The following CNTNAP4 variants were observed in gnomAD, a reference collection of about 807,000 sequenced individuals.
CNTNAP4 encodes contactin associated protein family member 4.
In CNTNAP4, 98 loss-of-function variants were observed where a neutral mutation model predicts 148.4. That is an observed-to-expected ratio of 0.66 (90% confidence interval 0.56 to 0.78). The LOEUF is 0.78. Among genes scored for constraint, CNTNAP4 ranks in the 30% least tolerant of loss-of-function variants. CNTNAP4 has a pLI of 0.00. For missense variants in CNTNAP4, 1,935 were observed against 1,565.6 expected (o/e 1.24, Z -3.98); for synonymous variants, 730 against 565.1 (o/e 1.29, Z -4.14).
chr16:76,465,929 G>A (rs977657599), intron 9 of CNTNAP4, among the ~76,000 whole-genome samples: 1 of 152,122 alleles, frequency 6.6e-6, no homozygotes, highest in Non-Finnish European at 1.5e-5. Flanking sequence ...GCAAAACAAA[G>A]CATTAAGGAA....
chr16:76,502,884 A>G (rs2082707722), intron 15 of CNTNAP4, among the ~76,000 whole-genome samples: 1 of 152,126 alleles, frequency 6.6e-6, no homozygotes, highest in Non-Finnish European at 1.5e-5. Context: ...TGAAAAATGT[A>G]GATCAGCCAT....
intron 1 of CNTNAP4, among the ~76,000 whole-genome samples, chr16:76,306,234 A>G (rs1207139741): frequency 6.6e-6 from 1 of 152,134 alleles, no homozygotes; most frequent in Non-Finnish European, 1.5e-5. Context: ...AAATATCTAA[A>G]CTGCTTTCTA....
intron 7 of CNTNAP4, among the ~76,000 whole-genome samples, chr16:76,451,363 A>G (rs2080465068): frequency 1.3e-5 from 2 of 152,182 alleles, no homozygotes; most frequent in South Asian, 2.1e-4. Flanking sequence ...ATACAGGCAC[A>G]TATTGATTTG....
intron 2 of CNTNAP4, among the ~76,000 whole-genome samples, chr16:76,352,308 C>T (rs2011912258): frequency 6.6e-6 from 1 of 152,122 alleles, no homozygotes; most frequent in African/African-American, 2.4e-5. Context: ...AAAAACTCAT[C>T]CACACGCCAT....
At chr16:76,492,854 G>T (rs2082271703) in intron 13 of CNTNAP4, among the ~76,000 whole-genome samples, 1 of 151,814 alleles carries the variant, frequency 6.6e-6, no homozygotes, top group Admixed American at 6.6e-5. Flanking sequence ...CCAGTCTCAG[G>T]TATGTCTTTG....
chr16:76,464,294 A>G (rs1270238674), intron 9 of CNTNAP4, among the ~76,000 whole-genome samples: 1 of 152,200 alleles, frequency 6.6e-6, no homozygotes. Context: ...ACCATGGGCA[A>G]GAGCATGACT....
At chr16:76,351,999 C>T (rs1244495897) in intron 2 of CNTNAP4, among the ~76,000 whole-genome samples, 1 of 152,120 alleles carries the variant, frequency 6.6e-6, no homozygotes, top group Non-Finnish European at 1.5e-5. Flanking sequence ...TTACAATTAA[C>T]TAGAAAGGGC....
intron 2 of CNTNAP4, among the ~76,000 whole-genome samples, chr16:76,345,988 C>A (rs1383154546): frequency 2.0e-5 from 3 of 152,084 alleles, no homozygotes; most frequent in African/African-American, 7.2e-5. Flanking sequence ...GGGAACAAGC[C>A]CTTACCAGGA....
At chr16:76,381,789 G>A (rs912832722) in intron 3 of CNTNAP4, among the ~76,000 whole-genome samples, 4 of 152,088 alleles carry the variant, frequency 2.6e-5, no homozygotes, top group African/African-American at 7.2e-5. Context: ...TGCCGGGTGC[G>A]GTGGCTCACG....
At chr16:76,511,436 C>T (rs1247073606) in intron 15 of CNTNAP4, among the ~76,000 whole-genome samples, 1 of 152,058 alleles carries the variant, frequency 6.6e-6, no homozygotes, top group Non-Finnish European at 1.5e-5. Flanking sequence ...TGAGACTCTT[C>T]AACTGGAAAA....
rs548262971 is a variant in CNTNAP4 at position 76,447,038 on chromosome 16, T to G, written c.539-974T>G. Among the ~76,000 whole-genome samples the G allele has an allele frequency of 6.6e-5, 10 of 152,318 alleles. No individual in the cohort carries two copies. In the East Asian group the frequency reaches 1.9e-3, roughly 29 times the overall value. On this transcript the variant is annotated intron_variant, in intron 4 of 23. Transcript: ENST00000611870. ...AATATGAGAAAAAGGCCAGGCACAG[T>G]GGCTCACGCCTTTAATCGCAGCACT...
intron 15 of CNTNAP4, among the ~76,000 whole-genome samples, chr16:76,519,562 G>A (rs973106334): frequency 6.6e-6 from 1 of 152,046 alleles, no homozygotes; most frequent in African/African-American, 2.4e-5. Context: ...AAACAAAAAG[G>A]CATCTAATTC....
intron 3 of CNTNAP4, among the ~76,000 whole-genome samples, chr16:76,424,209 GC>G (rs2079295933): frequency 6.6e-6 from 1 of 152,112 alleles, no homozygotes; most frequent in Non-Finnish European, 1.5e-5. Context: ...GGCTGTCTCT[GC>G]CACTGTGCAT....
intron 1 of CNTNAP4, among the ~76,000 whole-genome samples, chr16:76,302,697 C>G (rs763967138): frequency 6.6e-6 from 1 of 152,128 alleles, no homozygotes; most frequent in Non-Finnish European, 1.5e-5. Context: ...AACATAAGCA[C>G]AGGACTGATA....
intron 21 of CNTNAP4, among the ~76,000 whole-genome samples, chr16:76,545,297 G>A (rs1818635017): frequency 6.6e-6 from 1 of 152,126 alleles, no homozygotes; most frequent in Non-Finnish European, 1.5e-5. Context: ...ACTGTATTGA[G>A]CTGGCCATAC....
intron 3 of CNTNAP4, among the ~76,000 whole-genome samples, chr16:76,379,738 A>G (rs2015777548): frequency 6.6e-6 from 1 of 152,204 alleles, no homozygotes; most frequent in African/African-American, 2.4e-5. Context: ...TGTACACATC[A>G]GTTTCAATCA....
chr16:76,449,965 C>G (rs567453119), intron 7 of CNTNAP4, 107 bp downstream of exon 7: 5 of 909,022 alleles, frequency 5.5e-6, no homozygotes, highest in South Asian at 3.7e-5. Flanking sequence ...TAGAGGTACT[C>G]TTATTTAAAT....
intron 2 of CNTNAP4, among the ~76,000 whole-genome samples, chr16:76,348,803 T>C (rs191509287): frequency 5.3e-5 from 8 of 150,806 alleles, no homozygotes; most frequent in East Asian, 2.0e-4. Flanking sequence ...GTGAGAAAAA[T>C]TGGAGAGTGA....
Position 76,479,481 on chromosome 16 carries a change from A to G in CNTNAP4, c.1825A>G (p.Ile609Val), listed in dbSNP as rs1232107021. The change falls in exon 12 of 24, where the codon ATA becomes GTA. Residue 609 changes from isoleucine (I) to valine (V), a missense_variant. Transcript: ENST00000611870. Reference sequence around the variant, plus strand: ...AGGAAATACTTCAGGGTTTTACTATATAGATTCAGATGGAAGTGGTCCCCT... The same window carrying G: ...AGGAAATACTTCAGGGTTTTACTATGTAGATTCAGATGGAAGTGGTCCCCT... ...HRGNTSGFYY[I>V]DSDGSGPLEP... is the part of the protein sequence containing the mutation. The G allele has an allele frequency of 1.1e-5, 18 of 1,611,066 alleles. No homozygotes were observed. Among genetic ancestry groups the G allele is most frequent in the Non-Finnish European group, 1.4e-5 (17 of 1,178,668 alleles).
Sources: gnomAD v4.1 joint callset for allele counts (sites outside exome capture counted in the v4.1 genomes callset) on GRCh38, gnomAD v4.1.1 for gene constraint, MANE v1.5 for transcripts, NCBI Gene and HGNC (gene_info 2026-07-23, HGNC 2026-07-21) for gene names.